The following MNAT1 variants were observed in gnomAD, a reference collection of about 807,000 sequenced individuals.
MNAT1 encodes MNAT1 component of CDK activating kinase.
A neutral mutation model predicts 42.0 loss-of-function variants in MNAT1; 43 were observed. The observed-to-expected ratio is 1.02, with a 90% CI of 0.80 to 1.32. MNAT1 has a LOEUF of 1.32. Ranked by LOEUF, MNAT1 falls within the 40% of genes most tolerant of loss-of-function variation. The pLI, the probability that MNAT1 is intolerant of heterozygous loss-of-function variation, is 0.00. For synonymous variants in MNAT1, 118 were observed against 120.0 expected, an observed-to-expected ratio of 0.98 and a Z score of 0.11; for missense variants, 306 against 350.4, an observed-to-expected ratio of 0.87 and a Z score of 1.01.
At chr14:60,813,754 G>T (rs1330635583) in intron 5 of MNAT1, among the ~76,000 whole-genome samples, 1 of 152,058 alleles carries the variant, frequency 6.6e-6, no homozygotes, top group Admixed American at 6.5e-5. Flanking sequence ...TAAGAATTAT[G>T]AAAATGACTT....
At chr14:60,952,255 A>G (rs561834925) in intron 7 of MNAT1, among the ~76,000 whole-genome samples, 1 of 152,306 alleles carries the variant, frequency 6.6e-6, no homozygotes, top group South Asian at 2.1e-4. Context: ...GGAATCAAGT[A>G]CAGTAGGCCT....
At chr14:60,943,131 T>C (rs2036211039) in intron 7 of MNAT1, among the ~76,000 whole-genome samples, 2 of 141,428 alleles carry the variant, frequency 1.4e-5, no homozygotes, top group African/African-American at 2.6e-5. Context: ...TTTGGCTCAC[T>C]GCAACCTCCG....
At chr14:60,819,365 GA>G (rs2032812099) in intron 6 of MNAT1, among the ~76,000 whole-genome samples, 2 of 150,250 alleles carry the variant, frequency 1.3e-5, no homozygotes, top group South Asian at 4.2e-4. Flanking sequence ...ATAAGCCAAT[GA>G]TGTTTTTGTA....
At chr14:60,797,259 T>C (rs1594760427) in intron 2 of MNAT1, among the ~76,000 whole-genome samples, 1 of 152,274 alleles carries the variant, frequency 6.6e-6, no homozygotes, top group East Asian at 1.9e-4. Context: ...TTCTGCAAGG[T>C]AGTCTCTTAG....
intron 7 of MNAT1, among the ~76,000 whole-genome samples, chr14:60,914,105 G>A (rs533773422): frequency 2.6e-5 from 4 of 152,326 alleles, no homozygotes; most frequent in Non-Finnish European, 4.4e-5. Flanking sequence ...AGGCTCTGTG[G>A]GCGTAGGACC....
intron 6 of MNAT1, among the ~76,000 whole-genome samples, chr14:60,874,535 C>T (rs2034395901): frequency 6.6e-6 from 1 of 151,718 alleles, no homozygotes; most frequent in South Asian, 2.1e-4. Context: ...TCTTTTTCTC[C>T]CCCTTGATAT....
At position 60,882,049 on chromosome 14, in the gene MNAT1, T is replaced by C. The variant is rs551998023; in HGVS notation, c.809+2214T>C. ...GGTGGTATGCACCTTTAATCACAGC[T>C]ACTTGGGAGGCTGAGGCAGGAGAAT... is the stretch of plus-strand genomic sequence containing the variant. On this transcript the variant is annotated intron_variant, in intron 7 of 7. Coordinates refer to ENST00000261245, the MANE Select transcript of MNAT1 (RefSeq NM_002431.4). Among the ~76,000 whole-genome samples, 101 of 152,210 alleles carry C rather than the reference T, an allele frequency of 6.6e-4. 3 individuals carry two copies. The South Asian group carries it at 0.017, about 25-fold the overall frequency.
intron 7 of MNAT1, among the ~76,000 whole-genome samples, chr14:60,913,146 G>A (rs536564079): frequency 9.2e-5 from 14 of 152,230 alleles, no homozygotes; most frequent in Admixed American, 4.6e-4. Flanking sequence ...CATTCATCAC[G>A]TAGTTCTTTT....
chr14:60,823,989 T>A (rs2032981106), intron 6 of MNAT1, among the ~76,000 whole-genome samples: 1 of 152,044 alleles, frequency 6.6e-6, no homozygotes, highest in African/African-American at 2.4e-5. Flanking sequence ...AAACCCTATC[T>A]GTACTAAAAA....
chr14:60,911,535 G>A (rs1053644294), intron 7 of MNAT1, among the ~76,000 whole-genome samples: 18 of 152,006 alleles, frequency 1.2e-4, no homozygotes, highest in Admixed American at 2.0e-4. Context: ...CTTTGTTCTC[G>A]TTGGTTTCAA....
At chr14:60,811,906 TAAAG>T (rs1188782477) in intron 4 of MNAT1, 77 bp from the exon 5 acceptor site, 2 of 1,025,626 alleles carry the variant, frequency 2.0e-6, no homozygotes, top group African/African-American at 1.6e-5. Flanking sequence ...ATGCTTCCAA[TAAAG>T]AAAGTATTAG....
chr14:60,843,182 T>C (rs565011186), intron 6 of MNAT1, among the ~76,000 whole-genome samples: 3 of 152,190 alleles, frequency 2.0e-5, no homozygotes, highest in Admixed American at 6.5e-5. Context: ...TTTAGTTATT[T>C]TGGTGATGAT....
chr14:60,871,200 T>A (rs2034317005), intron 6 of MNAT1, among the ~76,000 whole-genome samples: 1 of 152,240 alleles, frequency 6.6e-6, no homozygotes, highest in Non-Finnish European at 1.5e-5. Flanking sequence ...TTGGTGGACA[T>A]TTAGATTGTT....
chr14:60,941,082 G>C (rs954825182), intron 7 of MNAT1, among the ~76,000 whole-genome samples: 3 of 152,124 alleles, frequency 2.0e-5, no homozygotes, highest in African/African-American at 7.2e-5. Context: ...TATTCTCATA[G>C]TATATAGAAG....
At chr14:60,826,836 TCATTA>T (rs1566783330) in intron 6 of MNAT1, among the ~76,000 whole-genome samples, 1 of 152,200 alleles carries the variant, frequency 6.6e-6, no homozygotes, top group Non-Finnish European at 1.5e-5. Flanking sequence ...TTACTATTCT[TCATTA>T]CATCATTCTT....
chr14:60,968,965 A>G lies in MNAT1; in HGVS notation c.*616A>G, dbSNP rs2036731749. ...TGAGGCAAACCTTGATCAAGGTGTT[A>G]TAGTTCCCAGCTGTGAGCCACACTC... On this transcript the variant is annotated 3_prime_UTR_variant, in exon 8 of 8. Coordinates refer to ENST00000261245, the MANE Select transcript of MNAT1 (RefSeq NM_002431.4). 6.3e-6 allele frequency: 1 copy of G among 158,742 alleles called. No individual in the cohort carries two copies. Among genetic ancestry groups the G allele is most frequent in the South Asian group, 1.9e-4 (1 of 5,290 alleles). 9.8% of individuals were successfully genotyped at this position (158,742 alleles called of 1,614,324 possible). A position where few individuals can be genotyped will look rare whatever the true frequency, so the allele number is the denominator to read the frequency against.
At chr14:60,949,497 G>C (rs905783468) in intron 7 of MNAT1, among the ~76,000 whole-genome samples, 31 of 152,174 alleles carry the variant, frequency 2.0e-4, no homozygotes, top group African/African-American at 6.3e-4. Context: ...TTAGAAAAAA[G>C]TCATATGTAA....
intron 7 of MNAT1, among the ~76,000 whole-genome samples, chr14:60,923,694 C>A (rs2035708091): frequency 2.0e-5 from 3 of 152,066 alleles, no homozygotes; most frequent in Admixed American, 2.0e-4. Flanking sequence ...AACGGATGGA[C>A]ATGGCATGGC....
chr14:60,757,998 A>G (rs538277952), intron 1 of MNAT1, among the ~76,000 whole-genome samples: 62 of 152,250 alleles, frequency 4.1e-4, no homozygotes, highest in African/African-American at 1.5e-3. Context: ...GGAACCATCT[A>G]AGGAGCATAA....
Sources: gnomAD v4.1 joint callset for allele counts (sites outside exome capture counted in the v4.1 genomes callset) on GRCh38, gnomAD v4.1.1 for gene constraint, MANE v1.5 for transcripts, NCBI Gene and HGNC (gene_info 2026-07-23, HGNC 2026-07-21) for gene names.